The following CAST variants were observed in gnomAD, a reference collection of about 807,000 sequenced individuals.
CAST encodes calpastatin, also known as MIR583 host.
Under a neutral mutation model 119.6 loss-of-function variants are expected in CAST, and 76 were observed. The observed-to-expected ratio is 0.64, with a 90% CI of 0.53 to 0.77. CAST has a LOEUF of 0.77. Ranked by LOEUF, CAST falls within the 30% of genes least tolerant of loss-of-function variation. The pLI is 0.00. For synonymous variants in CAST, 319 were observed against 331.6 expected (o/e 0.96, Z 0.41); for missense variants, 953 against 946.5 (o/e 1.01, Z -0.09).
chr5:96,467,986 A>G, the CAST span, among the ~76,000 whole-genome samples: 115 of 152,144 alleles, frequency 7.6e-4, 1 homozygote, highest in African/African-American at 2.7e-3. Flanking sequence ...AACCAACCTA[A>G]GCGCGCATCA....
chr5:96,626,405 A>G (rs529852572), intron 1 of CAST, among the ~76,000 whole-genome samples: 27 of 152,284 alleles, frequency 1.8e-4, no homozygotes, highest in African/African-American at 6.3e-4. Flanking sequence ...TGAATGCACC[A>G]TAACTGACAC....
At chr5:96,237,528 G>A in the CAST span, among the ~76,000 whole-genome samples, 1 of 152,016 alleles carries the variant, frequency 6.6e-6, no homozygotes, top group African/African-American at 2.4e-5. Flanking sequence ...TACTTGGAAA[G>A]TTTCTATAAT....
chr5:96,349,137 C>CTCTTTTTTTTTTTTTTTTTTT, the CAST span, among the ~76,000 whole-genome samples: 1 of 31,320 alleles, frequency 3.2e-5, no homozygotes, highest in African/African-American at 1.8e-4. Flanking sequence ...AACAAGGACA[C>CTCTTTTTTTTTTTTTTTTTTT]TATTTTTTTT....
At chr5:96,595,293 A>G (rs190400945) in intron 1 of CAST, among the ~76,000 whole-genome samples, 2 of 152,348 alleles carry the variant, frequency 1.3e-5, no homozygotes, top group African/African-American at 4.8e-5. Context: ...AGGTGAGGAA[A>G]AAGAGTTCCA....
Position 96,750,379 on chromosome 5 carries a change from A to C in CAST, c.1429-208A>C, listed in dbSNP as rs140784312. ...TTCACGAGTTTCAGTAACCTGCCTA[A>C]GGTGAGAAGTAAAACCAAGTTGAAA... On this transcript the variant is annotated intron_variant, in intron 19 of 31. Coordinates refer to ENST00000675179, the MANE Select transcript of CAST (RefSeq NM_001750.7). Among the ~76,000 whole-genome samples, 348 of 152,296 alleles carry C rather than the reference A, an allele frequency of 2.3e-3. 1 individual carries two copies. The highest frequency in any genetic ancestry group is 8.1e-3 in the African/African-American group (336 of 41,560).
At chr5:96,561,788 T>TTTTTTTTTG (rs373724469) in intron 1 of CAST, among the ~76,000 whole-genome samples, 11 of 68,778 alleles carry the variant, frequency 1.6e-4, no homozygotes, top group Admixed American at 3.7e-4. Context: ...ATATATATGT[T>TTTTTTTTTG]TTTTTTTGTT....
chr5:96,007,588 G>A, the CAST span, among the ~76,000 whole-genome samples: 15 of 152,166 alleles, frequency 9.9e-5, no homozygotes, highest in East Asian at 5.8e-4. Context: ...CTCGTGACGC[G>A]ATGAAATTAG....
the CAST span, among the ~76,000 whole-genome samples, chr5:96,512,487 T>C: frequency 6.6e-6 from 1 of 152,196 alleles, no homozygotes; most frequent in South Asian, 2.1e-4. Context: ...CCTCATTAAG[T>C]TTTGTTAAAT....
the CAST span, among the ~76,000 whole-genome samples, chr5:96,462,990 C>G: frequency 5.3e-5 from 8 of 152,118 alleles, no homozygotes; most frequent in South Asian, 1.7e-3. Flanking sequence ...TCAATTAAAC[C>G]TCTTTTGTTT....
the CAST span, among the ~76,000 whole-genome samples, chr5:96,237,678 A>G: frequency 1.3e-5 from 2 of 152,150 alleles, no homozygotes; most frequent in South Asian, 2.1e-4. Flanking sequence ...ATTTTTTTCT[A>G]TAAACATGTA....
the CAST span, among the ~76,000 whole-genome samples, chr5:96,212,199 G>A: frequency 2.6e-5 from 4 of 151,774 alleles, no homozygotes; most frequent in Non-Finnish European, 5.9e-5. Context: ...CTTTGTCTAG[G>A]TTCTTGAGGT....
chr5:96,551,435 G>C (rs2150182244), intron 1 of CAST, among the ~76,000 whole-genome samples: 1 of 152,170 alleles, frequency 6.6e-6, no homozygotes, highest in Middle Eastern at 3.4e-3. Context: ...ACATGGAAAG[G>C]AACAACTGGT....
At chr5:96,234,985 A>T in the CAST span, among the ~76,000 whole-genome samples, 1 of 152,232 alleles carries the variant, frequency 6.6e-6, no homozygotes, top group African/African-American at 2.4e-5. Context: ...AGTATTCAAA[A>T]ATGGGAACTT....
chr5:96,585,098 A>C, intron 1 of CAST: 1 of 152,208 alleles, frequency 6.6e-6, no homozygotes. Flanking sequence ...GTTATGGCTA[A>C]TTGATATTAA....
chr5:96,450,709 A>AT, the CAST span, among the ~76,000 whole-genome samples: 3 of 152,152 alleles, frequency 2.0e-5, no homozygotes, highest in Non-Finnish European at 1.5e-5. Context: ...ATGCTGACAA[A>AT]TTTTTTGTTG....
chr5:96,742,729 C>T lies in CAST; in HGVS notation c.1173C>T (p.Asp391=). The change falls in exon 16 of 32, where the codon GAC becomes GAT. Residue 391 remains aspartate (D), a synonymous_variant. Transcript: ENST00000675179. ...LGTRQAEPEL[D]LRSIKEVDEA... ...CCCGGCAAGCAGAACCTGAGCTCGA[C>T]CTCCGCTCAATTAAGGAAGTCGATG... The T allele has an allele frequency of 6.2e-7, 1 of 1,613,760 alleles. No individual in the cohort carries two copies. The highest frequency in any genetic ancestry group is 8.5e-7 in the Non-Finnish European group (1 of 1,179,726).
At chr5:96,098,698 C>G in the CAST span, among the ~76,000 whole-genome samples, 1 of 152,270 alleles carries the variant, frequency 6.6e-6, no homozygotes, top group South Asian at 2.1e-4. Flanking sequence ...GTTTTTGTAC[C>G]AGTACCATGC....
chr5:96,294,134 G>T, the CAST span, among the ~76,000 whole-genome samples: 321 of 152,226 alleles, frequency 2.1e-3, 2 homozygotes, highest in African/African-American at 7.4e-3. Flanking sequence ...TTGACTCAAT[G>T]TATTGCTATG....
At chr5:96,680,258 G>A (rs1299970143) in intron 2 of CAST, among the ~76,000 whole-genome samples, 1 of 150,386 alleles carries the variant, frequency 6.6e-6, no homozygotes, top group East Asian at 2.0e-4. Flanking sequence ...GGGAGGCTGA[G>A]GCAGGAGAAT....
Sources: gnomAD v4.1 joint callset for allele counts (sites outside exome capture counted in the v4.1 genomes callset) on GRCh38, gnomAD v4.1.1 for gene constraint, MANE v1.5 for transcripts, NCBI Gene and HGNC (gene_info 2026-07-23, HGNC 2026-07-21) for gene names.